ITGA2B: variants seen among roughly 807,000 people sequenced by gnomAD.
ITGA2B encodes the protein integrin subunit alpha 2b, also known as integrin alpha-IIb.
Under a neutral mutation model 142.0 loss-of-function variants are expected in ITGA2B, and 91 were observed. That is an observed-to-expected ratio of 0.64 (90% CI 0.54 to 0.76). ITGA2B has a LOEUF of 0.76. Ranked by LOEUF, ITGA2B falls within the 30% of genes least tolerant of loss-of-function variation. The probability of loss-of-function intolerance (pLI) is 0.00; values close to 1 mark genes in which losing one functional copy is unlikely to be tolerated. For synonymous variants in ITGA2B, 536 were observed against 567.2 expected (o/e 0.94, Z 0.78); for missense variants, 1,231 against 1,350.8 (o/e 0.91, Z 1.39).
In ITGA2B at chr17:44,378,441, C is replaced by A; in HGVS notation, c.2015G>T (p.Gly672Val). 6.2e-7 allele frequency: 1 copy of A among 1,613,530 alleles called. No individual in the cohort carries two copies. The highest frequency in any genetic ancestry group is 8.5e-7 in the Non-Finnish European group (1 of 1,179,892). Residue 672 changes from glycine (G) to valine (V), a missense_variant, in exon 20 of 30, where the codon GGC becomes GTC. Transcript: ENST00000262407. The stretch of plus-strand genomic sequence containing the variant: ...CAGCTCTGCTTCATAGGCCCCCTCG[C>A]CCTCGTTGGCTGCGTCCATCTGCAG... ...LELQMDAANE[G>V]EGAYEAELAV...
At position 44,379,738 on chromosome 17, in the gene ITGA2B, C is replaced by A; in HGVS notation, c.1829G>T (p.Gly610Val). The A allele has an allele frequency of 6.2e-7, 1 of 1,613,962 alleles. No homozygotes were observed. Among genetic ancestry groups the A allele is most frequent in the South Asian group, 1.1e-5 (1 of 91,072 alleles). ...ATGCAGCACGACAGCAGGGGCCATT[C>A]CAGCCTCCGTGGGCGGTAGGGACAC... ...LNVSLPPTEA[G>V]MAPAVVLHGD... The change falls in exon 18 of 30, where the codon GGA becomes GTA. Residue 610 changes from glycine (G) to valine (V), a missense_variant. Physicochemically the swap from Gly to Val is moderately radical, Grantham distance 109. Coordinates refer to ENST00000262407, the MANE Select transcript of ITGA2B (RefSeq NM_000419.5).
chr17:44,379,113 ATTT>A (rs540432584), intron 18 of ITGA2B, among the ~76,000 whole-genome samples: 1 of 138,016 alleles, frequency 7.2e-6, no homozygotes. Flanking sequence ...CGCCCAGCTA[ATTT>A]TTTTTTTTTT....
rs780567683 is a variant in ITGA2B at position 44,375,963 on chromosome 17, G to C, written c.2471C>G (p.Thr824Ser). 9.9e-6 allele frequency: 16 copies of C among 1,614,056 alleles called. No homozygotes were observed. Among genetic ancestry groups the C allele is most frequent in the Middle Eastern group, 1.6e-4 (1 of 6,084 alleles). ...TYELHNNGPG[T>S]VNGLHLSIHL... ...GATGCTGAGGTGAAGACCATTCACA[G>C]TCCCAGGGCCATTGTTGTGGAGCTG... The change falls in exon 25 of 30, where the codon ACT becomes AGT. Residue 824 changes from threonine to serine, a missense_variant. This residue lies in a region of ITGA2B where 908 missense variants were observed against 1,021.1 expected (regional missense o/e 0.89). Coordinates refer to ENST00000262407, the MANE Select transcript of ITGA2B (RefSeq NM_000419.5).
At chr17:44,374,160 C>T in intron 29 of ITGA2B, 194 bp downstream of exon 29, 5 of 636,194 alleles carry the variant, frequency 7.9e-6, no homozygotes, top group South Asian at 5.1e-5. Context: ...AACGCTTTGG[C>T]CTCCCAAAGT....
intron 12 of ITGA2B, among the ~76,000 whole-genome samples, chr17:44,382,897 G>C (rs2048609125): frequency 6.6e-6 from 1 of 151,998 alleles, no homozygotes; most frequent in South Asian, 2.1e-4. Context: ...TCACCTAAAT[G>C]CTTTTGCTCC....
intron 18 of ITGA2B, 105 bp downstream of exon 18, chr17:44,379,584 T>G: frequency 3.7e-5 from 57 of 1,559,190 alleles, no homozygotes; most frequent in Non-Finnish European, 4.7e-5. Context: ...GGGTTTGGAA[T>G]GACATCAAGG....
At chr17:44,372,518 G>T in intron 29 of ITGA2B, 95 bp from the exon 30 acceptor site, 1 of 1,073,780 alleles carries the variant, frequency 9.3e-7, no homozygotes, top group Non-Finnish European at 1.4e-6. Flanking sequence ...GCACCTCCCT[G>T]GACCAGCGCA....
chr17:44,376,481 A>T (rs1005176662), intron 22 of ITGA2B, 93 bp from the exon 23 acceptor site: 1 of 1,123,780 alleles, frequency 8.9e-7, no homozygotes, highest in Non-Finnish European at 1.4e-6. Context: ...GTTCAGAGAG[A>T]GCTAATTATA....
chr17:44,388,554 T>A (rs183103500), intron 1 of ITGA2B, among the ~76,000 whole-genome samples: 51 of 147,974 alleles, frequency 3.4e-4, no homozygotes, highest in African/African-American at 1.2e-3. Context: ...AGTGTCACTC[T>A]GTCACCCAGG....
intron 4 of ITGA2B, 65 bp downstream of exon 4, chr17:44,385,486 G>A: frequency 1.3e-6 from 2 of 1,527,876 alleles, no homozygotes; most frequent in Non-Finnish European, 1.8e-6. Flanking sequence ...GCTGGGGGCG[G>A]GATCCGATGG....
In ITGA2B at chr17:44,385,216, G is replaced by A. The variant is rs747504493; in HGVS notation, c.625-7C>T. 16 of 1,613,900 alleles carry A rather than the reference G, an allele frequency of 9.9e-6. No individual in the cohort carries two copies. The highest frequency in any genetic ancestry group is 1.3e-5 in the Non-Finnish European group (15 of 1,180,018). ...CAAGCACCAGCTCTCCGGCCTGGAA[G>A]GGAAGTCCTGAGGGTGAGAGGGGGC... is the stretch of plus-strand genomic sequence containing the variant. On this transcript the variant is annotated splice_polypyrimidine_tract_variant and splice_region_variant and intron_variant, in intron 5 of 29. Transcript: ENST00000262407.
chr17:44,372,285 C>T lies in ITGA2B; in HGVS notation c.*79G>A. Reference sequence around the variant, plus strand: ...CCAATGGAACAGCTCCAACCCAAAGCTTGGAGGCAACTTGTTGGAGAAGGG... The same window carrying T: ...CCAATGGAACAGCTCCAACCCAAAGTTTGGAGGCAACTTGTTGGAGAAGGG... On this transcript the variant is annotated 3_prime_UTR_variant, in exon 30 of 30. Transcript: ENST00000262407. 1 of 1,476,492 alleles carries T rather than the reference C, an allele frequency of 6.8e-7. No homozygotes were observed. Among genetic ancestry groups the T allele is most frequent in the Non-Finnish European group, 9.5e-7 (1 of 1,056,072 alleles). 91.5% of individuals were successfully genotyped at this position (1,476,492 alleles called of 1,614,324 possible).
intron 18 of ITGA2B, 53 bp downstream of exon 18, chr17:44,379,636 G>A: frequency 6.2e-7 from 1 of 1,613,314 alleles, no homozygotes. Flanking sequence ...CCCTAATCCT[G>A]ATTTGCTATC....
At chr17:44,384,670 C>T (rs2048627997) in intron 7 of ITGA2B, 85 bp from the exon 8 acceptor site, 42 of 1,490,268 alleles carry the variant, frequency 2.8e-5, no homozygotes, top group Non-Finnish European at 3.7e-5. Context: ...ATTAAGGCCA[C>T]TCAGCCCCAG....
In ITGA2B at chr17:44,385,998, C is replaced by T. The variant is rs771348068; in HGVS notation, c.310+12G>A. On this transcript the variant is annotated intron_variant, in intron 2 of 29. Transcript: ENST00000262407. ...TCTGACCCCAACCTTGCTCTCCTTG[C>T]CTGGGACTCACGGAGGTCAAAGAGC... 4.3e-6 allele frequency: 7 copies of T among 1,613,916 alleles called. No homozygotes were observed. The Admixed American group carries it at 1.2e-4, about 27-fold the overall frequency.
chr17:44,377,778 G>A lies in ITGA2B; in HGVS notation c.2107C>T (p.Leu703Phe). 1 of 1,611,126 alleles carries A rather than the reference G, an allele frequency of 6.2e-7. No homozygotes were observed. The highest frequency in any genetic ancestry group is 1.7e-4 in the Middle Eastern group (1 of 6,040). ...ALSNVEGFER[L>F]ICNQKKENET... Reference sequence around the variant, plus strand: ...TTCTCCTTCTTCTGATTACAGATGAGTCTCTCAAAGCCCTTCAGGAAGGCA... The same window carrying A: ...TTCTCCTTCTTCTGATTACAGATGAATCTCTCAAAGCCCTTCAGGAAGGCA... The change falls in exon 21 of 30, where the codon CTC becomes TTC. Residue 703 changes from leucine to phenylalanine, a missense_variant. Coordinates refer to ENST00000262407, the MANE Select transcript of ITGA2B (RefSeq NM_000419.5).
At chr17:44,374,952 T>TCC in intron 27 of ITGA2B, 46 bp downstream of exon 27, 1 of 1,465,152 alleles carries the variant, frequency 6.8e-7, no homozygotes, top group Non-Finnish European at 9.2e-7. Flanking sequence ...AGCAAAGTGG[T>TCC]CCCCGCCCAG....
intron 1 of ITGA2B, among the ~76,000 whole-genome samples, chr17:44,388,885 G>C (rs1384333843): frequency 2.1e-5 from 3 of 142,634 alleles, no homozygotes; most frequent in African/African-American, 5.2e-5. Context: ...GGCTGGTCTC[G>C]AATTCTCGAC....
At chr17:44,383,994 C>T in intron 10 of ITGA2B, 48 bp from the exon 11 acceptor site, 1 of 1,613,992 alleles carries the variant, frequency 6.2e-7, no homozygotes. Context: ...CAAGCATCCT[C>T]TTTAAGAAAT....
Sources: allele counts gnomAD v4.1 joint callset (sites outside exome capture counted in the v4.1 genomes callset), GRCh38; gene constraint gnomAD v4.1.1; regional missense constraint gnomAD v4.1.1; transcripts MANE v1.5; gene names NCBI Gene and HGNC (gene_info 2026-07-23, HGNC 2026-07-21).